Variants in DYNLT2B observed in about 807,000 individuals in gnomAD.
DYNLT2B encodes dynein light chain Tctex-type protein 2B.
DYNLT2B carries 14 observed loss-of-function variants against 19.5 expected under a neutral mutation model. The ratio of observed to expected loss-of-function variants is 0.72; its 90% CI spans 0.47 to 1.12. The LOEUF is 1.12. DYNLT2B is among the 50% of genes most tolerant of loss of function. The pLI is 0.00. For missense variants in DYNLT2B, 133 were observed against 174.7 expected (o/e 0.76, Z 1.35); for synonymous variants, 70 against 59.7 (o/e 1.17, Z -0.79).
intron 2 of DYNLT2B, among the ~76,000 whole-genome samples, chr3:196,312,497 C>T (rs964800414): frequency 1.3e-5 from 2 of 151,964 alleles, no homozygotes; most frequent in Non-Finnish European, 2.9e-5. Context: ...CTCGCTCTGT[C>T]GCCCAGGCTG....
chr3:196,306,248 A>C (rs7431292), intron 3 of DYNLT2B, among the ~76,000 whole-genome samples: 6 of 49,606 alleles, frequency 1.2e-4, no homozygotes, highest in African/African-American at 1.7e-4. Flanking sequence ...CCATCTCTGC[A>C]AAAAAAAAAA....
chr3:196,307,749 C>G (rs1462900586), intron 2 of DYNLT2B, among the ~76,000 whole-genome samples: 1 of 151,774 alleles, frequency 6.6e-6, no homozygotes, highest in Non-Finnish European at 1.5e-5. Flanking sequence ...GTTTTTCTTG[C>G]CTTAAAGAAC....
intron 2 of DYNLT2B, among the ~76,000 whole-genome samples, chr3:196,313,678 T>C (rs566576888): frequency 1.3e-5 from 2 of 152,380 alleles, no homozygotes; most frequent in Non-Finnish European, 2.9e-5. Flanking sequence ...TTCTGGGTGA[T>C]AGAAATACAC....
chr3:196,312,221 T>C (rs912645027), intron 2 of DYNLT2B, among the ~76,000 whole-genome samples: 4 of 151,856 alleles, frequency 2.6e-5, no homozygotes, highest in African/African-American at 9.7e-5. Context: ...TTTCACCATA[T>C]TGTTCAGGGT....
At chr3:196,293,201 C>T (rs2108789344) in intron 4 of DYNLT2B, among the ~76,000 whole-genome samples, 1 of 152,324 alleles carries the variant, frequency 6.6e-6, no homozygotes, top group Non-Finnish European at 1.5e-5. Flanking sequence ...GAGTGGCCCC[C>T]ACTGGATGTT....
intron 2 of DYNLT2B, among the ~76,000 whole-genome samples, chr3:196,308,243 T>G (rs537935438): frequency 6.6e-6 from 1 of 152,166 alleles, no homozygotes; most frequent in South Asian, 2.1e-4. Flanking sequence ...AAAGACTTCT[T>G]GGAAGATGTG....
At chr3:196,300,142 A>G (rs1289740287) in intron 3 of DYNLT2B, among the ~76,000 whole-genome samples, 1 of 152,172 alleles carries the variant, frequency 6.6e-6, no homozygotes, top group African/African-American at 2.4e-5. Flanking sequence ...AGCCTCCAGA[A>G]GGAATGCAGC....
chr3:196,314,520 C>G (rs1726724582), intron 2 of DYNLT2B, among the ~76,000 whole-genome samples: 1 of 144,372 alleles, frequency 6.9e-6, no homozygotes, highest in South Asian at 2.2e-4. Context: ...ACATTATTAA[C>G]AAAAGAGAGA....
At position 196,304,805 on chromosome 3, in the gene DYNLT2B, GAAT is replaced by G. The variant is rs1245198323; in HGVS notation, c.317+2135_317+2137del. On this transcript the variant is annotated intron_variant, in intron 3 of 4. Transcript: ENST00000325318. ...TAGAGAGGACATACCATCTTAAATT[GAAT>G]AATAAAACTTACAGCTGACTTCTCA... is the stretch of plus-strand genomic sequence containing the variant. 2.6e-5 allele frequency among the ~76,000 whole-genome samples: 4 copies of G among 152,066 alleles called. No individual in the cohort carries two copies. The East Asian group carries it at 5.8e-4, about 22-fold the overall frequency.
At chr3:196,300,589 C>T (rs552236547) in intron 3 of DYNLT2B, among the ~76,000 whole-genome samples, 14 of 151,510 alleles carry the variant, frequency 9.2e-5, no homozygotes, top group African/African-American at 2.9e-4. Context: ...ATTAGCCGGG[C>T]GTGGTGGCGT....
rs1726746330 is a variant in DYNLT2B, at chr3:196,315,172, AC to A, written c.247+925del. On this transcript the variant is annotated intron_variant, in intron 2 of 4. Transcript: ENST00000325318. The stretch of plus-strand genomic sequence containing the variant: ...AAAAGTCACCAAATAATTAGAGAAG[AC>A]AAGACACTGAAGAAAAAGTTGTCTT... 5 of 420,580 alleles carry A rather than the reference AC, an allele frequency of 1.2e-5. No homozygotes were observed. The Admixed American group carries it at 1.5e-4, about 13-fold the overall frequency. 26.1% of individuals were successfully genotyped at this position (420,580 alleles called of 1,614,324 possible).
chr3:196,312,030 G>A (rs577383739), intron 2 of DYNLT2B, among the ~76,000 whole-genome samples: 2 of 152,194 alleles, frequency 1.3e-5, no homozygotes, highest in Non-Finnish European at 2.9e-5. Flanking sequence ...ACAGGCATGC[G>A]CCACCACGCC....
At chr3:196,302,732 G>C (rs1726387474) in intron 3 of DYNLT2B, among the ~76,000 whole-genome samples, 1 of 152,062 alleles carries the variant, frequency 6.6e-6, no homozygotes, top group Non-Finnish European at 1.5e-5. Context: ...AATGAGTACA[G>C]GATGAACACG....
intron 4 of DYNLT2B, among the ~76,000 whole-genome samples, chr3:196,293,415 C>G (rs1320133398): frequency 6.6e-6 from 1 of 151,828 alleles, no homozygotes; most frequent in African/African-American, 2.4e-5. Flanking sequence ...CACCTGAGGT[C>G]AGGAGTTGGA....
intron 2 of DYNLT2B, among the ~76,000 whole-genome samples, chr3:196,312,712 G>A (rs1256461506): frequency 2.6e-5 from 4 of 152,140 alleles, no homozygotes; most frequent in South Asian, 4.1e-4. Context: ...ACCCGGCTCC[G>A]CCTCCCACAG....
chr3:196,301,289 T>A (rs1001286698), intron 3 of DYNLT2B, among the ~76,000 whole-genome samples: 9 of 152,184 alleles, frequency 5.9e-5, no homozygotes, highest in Non-Finnish European at 1.2e-4. Context: ...TATAATTCTT[T>A]TAAGCAATAT....
chr3:196,293,295 G>A (rs1022812233), intron 4 of DYNLT2B, among the ~76,000 whole-genome samples: 1 of 152,116 alleles, frequency 6.6e-6, no homozygotes, highest in Non-Finnish European at 1.5e-5. Context: ...TAGGAGCTCA[G>A]AACTATTTGT....
chr3:196,311,746 C>T (rs1382232215), intron 2 of DYNLT2B, among the ~76,000 whole-genome samples: 2 of 151,966 alleles, frequency 1.3e-5, no homozygotes, highest in Non-Finnish European at 2.9e-5. Flanking sequence ...TGCACTGGCA[C>T]GATCCCAGCT....
rs59708062 is a variant in DYNLT2B at position 196,310,268 on chromosome 3, AT to A, written c.248-3257del. On this transcript the variant is annotated intron_variant, in intron 2 of 4. Coordinates refer to ENST00000325318, the MANE Select transcript of DYNLT2B (RefSeq NM_152773.5). ...AGGCATGCGCCATCACGCTCGGCTA[AT>A]TTTTTTTTTTTTTTGCATTTTTAGT... Among the ~76,000 whole-genome samples, 300 of 142,030 alleles carry A rather than the reference AT, an allele frequency of 2.1e-3. 1 individual carries two copies. Among genetic ancestry groups the A allele is most frequent in the Non-Finnish European group, 2.0e-3 (129 of 65,022 alleles). The allele number at this position is 142,030 out of a possible 152,430, so 93.2% of individuals were successfully genotyped here.
Sources: allele counts gnomAD v4.1 joint callset (sites outside exome capture counted in the v4.1 genomes callset), GRCh38; gene constraint gnomAD v4.1.1; transcripts MANE v1.5; gene names NCBI Gene and HGNC (gene_info 2026-07-23, HGNC 2026-07-21).